The following NRG1 variants were observed in gnomAD, a reference collection of about 807,000 sequenced individuals.
NRG1 encodes pro-neuregulin-1, membrane-bound isoform.
NRG1 carries 18 observed loss-of-function variants against 63.8 expected under a neutral mutation model. The ratio of observed to expected loss-of-function variants is 0.28; its 90% CI spans 0.19 to 0.42. The LOEUF is 0.42. Ranked by LOEUF, NRG1 falls within the 10% of genes least tolerant of loss-of-function variation. The probability of loss-of-function intolerance (pLI) is 1.00; values close to 1 mark genes in which losing one functional copy is unlikely to be tolerated. For missense variants in NRG1, 762 were observed against 814.7 expected (o/e 0.94, Z 0.79); for synonymous variants, 302 against 301.3 (o/e 1.00, Z -0.02).
chr8:31,786,101 T>C (rs1820142797), intron 1 of NRG1, among the ~76,000 whole-genome samples: 1 of 152,216 alleles, frequency 6.6e-6, no homozygotes, highest in Non-Finnish European at 1.5e-5. Context: ...AGAAATATTC[T>C]TGATGCTTGG....
chr8:31,741,504 A>G (rs978118775), intron 1 of NRG1, among the ~76,000 whole-genome samples: 1 of 152,062 alleles, frequency 6.6e-6, no homozygotes, highest in African/African-American at 2.4e-5. Context: ...AATATCCAGA[A>G]TACATAAGGA....
rs1831065665 is a variant in NRG1, at chr8:32,763,387, C to A, written c.1260-361C>A. The A allele has an allele frequency of 9.3e-6, 15 of 1,608,450 alleles. No individual in the cohort carries two copies. In the East Asian group the frequency reaches 3.3e-4, roughly 36 times the overall value. ...ATAGTATTTAAGTAATACTTCTTTC[C>A]CTTCCGAATCCCTGAGCCTTGGTCC... On this transcript the variant is annotated intron_variant, in intron 11 of 11. Transcript: ENST00000356819.
intron 1 of NRG1, among the ~76,000 whole-genome samples, chr8:31,741,499 C>A (rs758708886): frequency 1.1e-4 from 16 of 151,984 alleles, no homozygotes; most frequent in Admixed American, 2.0e-4. Flanking sequence ...GAAACAATAT[C>A]CAGAATACAT....
chr8:31,708,649 T>G (rs888372157), intron 1 of NRG1, among the ~76,000 whole-genome samples: 3 of 151,526 alleles, frequency 2.0e-5, no homozygotes, highest in African/African-American at 2.4e-5. Flanking sequence ...GTTTCACCGT[T>G]TTAGCCGGGA....
chr8:31,779,309 T>A (rs1819452447), intron 1 of NRG1, among the ~76,000 whole-genome samples: 1 of 152,176 alleles, frequency 6.6e-6, no homozygotes, highest in Non-Finnish European at 1.5e-5. Flanking sequence ...TGTTATAGTG[T>A]GCTGGCATTA....
At chr8:32,690,843 T>G (rs1411553664) in intron 5 of NRG1, among the ~76,000 whole-genome samples, 1 of 152,040 alleles carries the variant, frequency 6.6e-6, no homozygotes, top group Non-Finnish European at 1.5e-5. Context: ...TGATTTTATT[T>G]TATTTTATAT....
At chr8:32,464,232 T>G (rs1315240770) in intron 1 of NRG1, among the ~76,000 whole-genome samples, 1 of 151,876 alleles carries the variant, frequency 6.6e-6, no homozygotes, top group African/African-American at 2.4e-5. Flanking sequence ...TGTCTGGTAT[T>G]TTTTTACATT....
intron 1 of NRG1, among the ~76,000 whole-genome samples, chr8:32,185,554 T>C (rs1225715620): frequency 6.6e-6 from 1 of 152,176 alleles, no homozygotes; most frequent in Non-Finnish European, 1.5e-5. Context: ...GAAGGAATAA[T>C]TGTTATGTTT....
intron 1 of NRG1, among the ~76,000 whole-genome samples, chr8:32,383,261 C>T (rs1351463099): frequency 6.6e-6 from 1 of 152,160 alleles, no homozygotes; most frequent in Middle Eastern, 3.4e-3. Context: ...TAAAAGTAAA[C>T]CTTTCTTTCC....
At chr8:32,712,394 A>G (rs76188128) in intron 5 of NRG1, among the ~76,000 whole-genome samples, 555 of 152,256 alleles carry the variant, frequency 3.6e-3, no homozygotes, top group Admixed American at 6.4e-3. Flanking sequence ...TTCCTTTAGT[A>G]AAAGGAGTTG....
chr8:32,178,890 A>C (rs190557609), intron 1 of NRG1, among the ~76,000 whole-genome samples: 24 of 150,154 alleles, frequency 1.6e-4, no homozygotes, highest in Admixed American at 7.3e-4. Context: ...TTCTGTCCTA[A>C]AAAAAAAAAT....
chr8:31,910,840 T>C (rs548315929), intron 1 of NRG1, among the ~76,000 whole-genome samples: 47 of 151,858 alleles, frequency 3.1e-4, no homozygotes, highest in Non-Finnish European at 5.9e-4. Flanking sequence ...GAGTGTGGAG[T>C]TGTCAAAGAG....
chr8:32,009,922 C>G (rs1212321521), intron 1 of NRG1, among the ~76,000 whole-genome samples: 1 of 151,730 alleles, frequency 6.6e-6, no homozygotes, highest in Non-Finnish European at 1.5e-5. Flanking sequence ...CTCCCCACCC[C>G]ACTCACTTTT....
intron 1 of NRG1, among the ~76,000 whole-genome samples, chr8:32,107,109 G>T (rs1831379505): frequency 6.6e-6 from 1 of 152,044 alleles, no homozygotes; most frequent in Non-Finnish European, 1.5e-5. Context: ...GGTGGTGCGT[G>T]CCTGTAATCC....
At chr8:32,718,185 C>T (rs1441027543) in intron 5 of NRG1, among the ~76,000 whole-genome samples, 2 of 152,102 alleles carry the variant, frequency 1.3e-5, no homozygotes, top group Admixed American at 1.3e-4. Flanking sequence ...GCCTCAGTTC[C>T]TCTGTTAACA....
intron 1 of NRG1, chr8:31,639,640 G>C (rs542878689): frequency 7.1e-7 from 1 of 1,405,288 alleles, no homozygotes; most frequent in South Asian, 1.5e-5. Context: ...TCCGGTGACA[G>C]CAGCCCCGAC....
chr8:32,742,746 C>A lies in NRG1; in HGVS notation c.691+13C>A. 6.2e-7 allele frequency: 1 copy of A among 1,613,696 alleles called. No individual in the cohort carries two copies. Among genetic ancestry groups the A allele is most frequent in the Non-Finnish European group, 8.5e-7 (1 of 1,179,714 alleles). On this transcript the variant is annotated intron_variant, in intron 7 of 11. Transcript: ENST00000356819. The surrounding 1 kb of genome is among the most constrained non-coding windows in gnomAD (Gnocchi z 4.2). ...GCCAGCTTCTACAGTACGTCCACTC[C>A]CTTTCTGTCTCTGCCTGAATAGGAG...
chr8:32,065,842 C>A (rs1824706847), intron 1 of NRG1, among the ~76,000 whole-genome samples: 1 of 152,228 alleles, frequency 6.6e-6, no homozygotes, highest in African/African-American at 2.4e-5. Context: ...TCCTCTCTGG[C>A]ACCTGTTGTT....
chr8:32,426,561 G>A (rs971132711), intron 1 of NRG1, among the ~76,000 whole-genome samples: 3 of 152,100 alleles, frequency 2.0e-5, no homozygotes, highest in African/African-American at 7.2e-5. Context: ...CATTCTCCTA[G>A]GATGTTTATG....
Sources: gnomAD v4.1 joint callset for allele counts (sites outside exome capture counted in the v4.1 genomes callset) on GRCh38, gnomAD v4.1.1 for gene constraint, Gnocchi (gnomAD v3.1) non-coding constraint, MANE v1.5 for transcripts, NCBI Gene and HGNC (gene_info 2026-07-23, HGNC 2026-07-21) for gene names.